ARHGEF10: variants seen among roughly 807,000 people sequenced by gnomAD.
The protein encoded by ARHGEF10 is Rho guanine nucleotide exchange factor (GEF) 10.
A neutral mutation model predicts 147.4 loss-of-function variants in ARHGEF10; 140 were observed. The observed-to-expected ratio is 0.95, with a 90% CI of 0.83 to 1.09. The LOEUF is 1.09. ARHGEF10 is among the 50% of genes least tolerant of loss of function. The pLI, the probability that ARHGEF10 is intolerant of heterozygous loss-of-function variation, is 0.00. For missense variants in ARHGEF10, 2,222 were observed against 1,752.7 expected, an observed-to-expected ratio of 1.27 and a Z score of -4.78; for synonymous variants, 902 against 695.8, an observed-to-expected ratio of 1.30 and a Z score of -4.67.
intron 9 of ARHGEF10, among the ~76,000 whole-genome samples, chr8:1,881,244 C>T (rs758090790): frequency 6.7e-6 from 1 of 148,626 alleles, no homozygotes; most frequent in Non-Finnish European, 1.5e-5. Context: ...GAGTCCTGGC[C>T]GAGGCTGTGA....
chr8:1,880,513 A>G (rs563302533), intron 9 of ARHGEF10, among the ~76,000 whole-genome samples: 1 of 152,356 alleles, frequency 6.6e-6, no homozygotes, highest in South Asian at 2.1e-4. Context: ...GTTATTTAAG[A>G]TAACATGTAA....
intron 18 of ARHGEF10, among the ~76,000 whole-genome samples, chr8:1,921,609 C>T (rs975855419): frequency 1.3e-5 from 2 of 152,136 alleles, no homozygotes; most frequent in Admixed American, 1.3e-4. Context: ...TGGCAGGTGA[C>T]TGTAGTCCCA....
chr8:1,888,228 GA>G (rs1808932653), intron 11 of ARHGEF10, among the ~76,000 whole-genome samples: 1 of 74,144 alleles, frequency 1.3e-5, no homozygotes, highest in African/African-American at 6.2e-5. Context: ...GTTGCGAGGA[GA>G]CAGTGAGTGT....
chr8:1,882,792 G>A (rs757352435), intron 10 of ARHGEF10, 43 bp downstream of exon 10: 8 of 1,255,178 alleles, frequency 6.4e-6, no homozygotes, highest in Admixed American at 2.8e-5. Context: ...CACGGGGTTG[G>A]GGGGGGCGGC....
chr8:1,946,538 TC>T (rs750415706), intron 27 of ARHGEF10, among the ~76,000 whole-genome samples: 4 of 152,190 alleles, frequency 2.6e-5, no homozygotes, highest in Non-Finnish European at 5.9e-5. Flanking sequence ...CCCTGGGGTC[TC>T]CTCCGCTTCC....
At chr8:1,872,856 T>A (rs565302350) in intron 7 of ARHGEF10, among the ~76,000 whole-genome samples, 2 of 152,240 alleles carry the variant, frequency 1.3e-5, no homozygotes, top group East Asian at 3.8e-4. Context: ...GTCATGGAGA[T>A]AGGGTGATTT....
chr8:1,877,284 A>G (rs911193189), intron 8 of ARHGEF10, among the ~76,000 whole-genome samples: 4 of 151,966 alleles, frequency 2.6e-5, no homozygotes, highest in African/African-American at 9.7e-5. Flanking sequence ...CTGGAGTGCA[A>G]TGGCGCAATC....
rs190238805 is a variant in ARHGEF10, at chr8:1,947,370, G to A, written c.3397+1715G>A. ...ACGGTTACCCTGGTTTCAGAGTTCC[G>A]AGAGCAGCCACGGAAATGCAGCGGC... On this transcript the variant is annotated intron_variant, in intron 27 of 28. Transcript: ENST00000349830. 3.7e-4 allele frequency among the ~76,000 whole-genome samples: 57 copies of A among 152,310 alleles called. 1 individual carries two copies. The East Asian group carries it at 0.01, about 27-fold the overall frequency.
chr8:1,886,626 A>G (rs559942239), intron 11 of ARHGEF10, among the ~76,000 whole-genome samples: 2 of 152,336 alleles, frequency 1.3e-5, no homozygotes, highest in South Asian at 4.1e-4. Flanking sequence ...ATGGAGTGTC[A>G]ACAGAGCTTG....
At chr8:1,910,597 T>C (rs1029086002) in intron 18 of ARHGEF10, among the ~76,000 whole-genome samples, 2 of 152,166 alleles carry the variant, frequency 1.3e-5, no homozygotes, top group African/African-American at 2.4e-5. Flanking sequence ...GGGGGTGGTA[T>C]GGAGAGCGAG....
intron 28 of ARHGEF10, among the ~76,000 whole-genome samples, chr8:1,956,076 A>G (rs895816959): frequency 1.3e-5 from 2 of 152,236 alleles, no homozygotes; most frequent in African/African-American, 4.8e-5. Flanking sequence ...GCCCCTGTCC[A>G]TATGTCATGT....
chr8:1,876,031 C>G (rs1370285854), intron 7 of ARHGEF10: 2 of 163,666 alleles, frequency 1.2e-5, no homozygotes, highest in East Asian at 1.7e-4. Context: ...CTCTAAAAGT[C>G]TTGTTAGTGT....
chr8:1,944,190 C>A (rs1406857213), intron 26 of ARHGEF10, among the ~76,000 whole-genome samples: 1 of 151,396 alleles, frequency 6.6e-6, no homozygotes, highest in African/African-American at 2.4e-5. Flanking sequence ...CGTGCTACCT[C>A]CCTGGGGACC....
At chr8:1,857,259 A>G (rs138799079) in intron 2 of ARHGEF10, among the ~76,000 whole-genome samples, 117 of 152,318 alleles carry the variant, frequency 7.7e-4, no homozygotes, top group African/African-American at 2.7e-3. Context: ...GAAGAATTCT[A>G]GGGAGAGATG....
In ARHGEF10 at chr8:1,858,067, G is replaced by T; in HGVS notation, c.145G>T (p.Ala49Ser). 3 of 1,614,048 alleles carry T rather than the reference G, an allele frequency of 1.9e-6. No homozygotes were observed. The highest frequency in any genetic ancestry group is 1.3e-5 in the African/African-American group (1 of 75,002). Residue 49 changes from alanine to serine, a missense_variant, in exon 3 of 29, where the codon GCC becomes TCC. Ala to Ser is a moderately conservative substitution (Grantham distance 99). Coordinates refer to ENST00000349830, the MANE Select transcript of ARHGEF10 (RefSeq NM_014629.4). ...AGAAGCGGACAGACAGGCCCCATCC[G>T]CCCCTGAGACAGGAGGTGCTGGAGC... ...IPEADRQAPS[A>S]PETGGAGASE...
In ARHGEF10 at chr8:1,957,265, C is replaced by T. The variant is rs775938280; in HGVS notation, c.*2C>T. Reference sequence around the variant, plus strand: ...CAGATCCCTCTGCTGAATATATAAGCAGGACGGCCGCCTTCTGCTGTCAGA... The same window carrying T: ...CAGATCCCTCTGCTGAATATATAAGTAGGACGGCCGCCTTCTGCTGTCAGA... On this transcript the variant is annotated 3_prime_UTR_variant, in exon 29 of 29. Transcript: ENST00000349830. The T allele has an allele frequency of 2.2e-5, 35 of 1,608,006 alleles. No homozygotes were observed. Among genetic ancestry groups the T allele is most frequent in the Non-Finnish European group, 2.8e-5 (33 of 1,179,028 alleles).
At chr8:1,898,322 G>A in intron 14 of ARHGEF10, 111 bp from the exon 15 acceptor site, 13 of 913,522 alleles carry the variant, frequency 1.4e-5, no homozygotes, top group Non-Finnish European at 2.3e-5. Context: ...AAGACAAGGT[G>A]CAGGCTTTTG....
At chr8:1,900,207 T>C (rs1563256329) in intron 15 of ARHGEF10, among the ~76,000 whole-genome samples, 1 of 152,184 alleles carries the variant, frequency 6.6e-6, no homozygotes, top group Non-Finnish European at 1.5e-5. Context: ...CTAGGTTTTT[T>C]CCGAAATACA....
chr8:1,926,476 T>A lies in ARHGEF10; in HGVS notation c.2697+13T>A. 1 of 1,611,282 alleles carries A rather than the reference T, an allele frequency of 6.2e-7. No individual in the cohort carries two copies. The highest frequency in any genetic ancestry group is 8.5e-7 in the Non-Finnish European group (1 of 1,177,434). ...TGGTTTCCTGTGGGTAAGATGTGTTTATTTGGTTTTGGTACAAGTTCACAG... is the reference window on the plus strand; with the variant it reads ...TGGTTTCCTGTGGGTAAGATGTGTTAATTTGGTTTTGGTACAAGTTCACAG... On this transcript the variant is annotated intron_variant, in intron 23 of 28. Transcript: ENST00000349830.
Sources: allele counts gnomAD v4.1 joint callset (sites outside exome capture counted in the v4.1 genomes callset), GRCh38; gene constraint gnomAD v4.1.1; transcripts MANE v1.5; gene names NCBI Gene and HGNC (gene_info 2026-07-23, HGNC 2026-07-21).